CELF2: variants seen among roughly 807,000 people sequenced by gnomAD.
CELF2 encodes CUGBP Elav-like family member 2.
In CELF2, 8 loss-of-function variants were observed where a neutral mutation model predicts 62.6. That is an observed-to-expected ratio of 0.13 (90% CI 0.07 to 0.23). CELF2 has a LOEUF of 0.23. Among genes scored for constraint, CELF2 ranks in the 10% least tolerant of loss-of-function variants. The pLI is 1.00. For synonymous variants in CELF2, 258 were observed against 250.0 expected (o/e 1.03, Z -0.30); for missense variants, 333 against 671.0 (o/e 0.50, Z 5.56).
chr10:11,001,793 A>G (rs989643736), upstream of CELF2, among the ~76,000 whole-genome samples: 1 of 151,912 alleles, frequency 6.6e-6, no homozygotes, highest in African/African-American at 2.4e-5. Flanking sequence ...TTTTTTTGGA[A>G]AAAAAGAAAT....
chr10:10,984,066 T>C (rs1252804032), intron 2 of CELF2, among the ~76,000 whole-genome samples: 2 of 152,248 alleles, frequency 1.3e-5, no homozygotes, highest in African/African-American at 4.8e-5. Flanking sequence ...CTAGTACTTA[T>C]TAAGTGTCTA....
chr10:10,548,757 G>T, the CELF2 span, among the ~76,000 whole-genome samples: 3 of 151,718 alleles, frequency 2.0e-5, no homozygotes, highest in Non-Finnish European at 4.4e-5. Flanking sequence ...ATTATTTTTC[G>T]TAAGTATTTT....
chr10:11,016,223 A>T (rs540474231), upstream of CELF2, among the ~76,000 whole-genome samples: 23 of 152,380 alleles, frequency 1.5e-4, no homozygotes, highest in African/African-American at 5.5e-4. The surrounding 1 kb of genome is among the most constrained non-coding windows in gnomAD (Gnocchi z 5.2). Flanking sequence ...GTAGCTGGGG[A>T]ATAAATGCAG....
the CELF2 span, among the ~76,000 whole-genome samples, chr10:10,792,883 C>T: frequency 6.6e-6 from 1 of 152,142 alleles, no homozygotes; most frequent in Admixed American, 6.5e-5. Flanking sequence ...GAGTCTCCTT[C>T]CTCTCTTCCT....
chr10:10,625,999 C>T, the CELF2 span, among the ~76,000 whole-genome samples: 2 of 151,972 alleles, frequency 1.3e-5, no homozygotes, highest in Admixed American at 6.6e-5. Flanking sequence ...ACCCTACAGC[C>T]GGTTTCACCT....
rs2095430516 is a variant in CELF2 at position 11,321,440 on chromosome 10, C to A, written c.1294+54C>A. 1.4e-6 allele frequency: 2 copies of A among 1,425,358 alleles called. No homozygotes were observed. The highest frequency in any genetic ancestry group is 4.6e-5 in the East Asian group (2 of 43,422). The allele number at this position is 1,425,358 out of a possible 1,614,324, so 88.3% of individuals were successfully genotyped here. ...GCCCAGCCCAACAGGCAGCACTGGC[C>A]TCTAGAGCACGGTTAGAAGGTATCA... On this transcript the variant is annotated intron_variant, in intron 11 of 12. Transcript: ENST00000633077. The surrounding 1 kb of genome is among the most constrained non-coding windows in gnomAD (Gnocchi z 6.2).
rs1021854070 is a variant in CELF2 at position 11,285,283 on chromosome 10, C to T, written c.842-3135C>T. Among the ~76,000 whole-genome samples, 7 of 152,148 alleles carry T rather than the reference C, an allele frequency of 4.6e-5. No homozygotes were observed. Among genetic ancestry groups the T allele is most frequent in the South Asian group, 2.1e-4 (1 of 4,830 alleles). On this transcript the variant is annotated intron_variant, in intron 8 of 12. Coordinates refer to ENST00000633077, the MANE Select transcript of CELF2 (RefSeq NM_001326342.2). The surrounding 1 kb of genome is among the most constrained non-coding windows in gnomAD (Gnocchi z 4.3). ...ACAGTGTCCTCTCCTTTCCACTCTT[C>T]ATCTCAGCTTCCTTGACTCATAGTT...
Position 11,331,866 on chromosome 10 carries a change from C to T in CELF2, c.*2813C>T, listed in dbSNP as rs2096029526. On this transcript the variant is annotated 3_prime_UTR_variant, in exon 13 of 13. Transcript: ENST00000633077. ...TTTAACCCTTTCTACCCAGAGCTAT[C>T]TGGAATGTTGATGACTTTTTATACT... 6.6e-6 allele frequency: 1 copy of T among 152,616 alleles called. No homozygotes were observed. The highest frequency in any genetic ancestry group is 1.9e-4 in the East Asian group (1 of 5,200). The allele number at this position is 152,616 out of a possible 1,614,324, so 9.5% of individuals were successfully genotyped here.
rs548821150 is a variant in CELF2 at position 11,253,886 on chromosome 10, A to G, written c.404-3852A>G. ...CCCTTATTCAGTGTCCGTCATGGAAAATGACTTTTACCCTTCAAGTGTTTT... is the reference window on the plus strand; with the variant it reads ...CCCTTATTCAGTGTCCGTCATGGAAGATGACTTTTACCCTTCAAGTGTTTT... On this transcript the variant is annotated intron_variant, in intron 4 of 12. Coordinates refer to ENST00000633077, the MANE Select transcript of CELF2 (RefSeq NM_001326342.2). Among the ~76,000 whole-genome samples, 4 of 152,272 alleles carry G rather than the reference A, an allele frequency of 2.6e-5. No individual in the cohort carries two copies. The East Asian group carries it at 7.7e-4, about 29-fold the overall frequency.
the CELF2 span, among the ~76,000 whole-genome samples, chr10:10,614,833 T>C: frequency 3.3e-5 from 5 of 152,028 alleles, no homozygotes; most frequent in Non-Finnish European, 7.4e-5. Context: ...GAAGGTGAGA[T>C]GGTAAATGAA....
the CELF2 span, among the ~76,000 whole-genome samples, chr10:10,584,211 G>A: frequency 6.6e-6 from 1 of 152,164 alleles, no homozygotes; most frequent in South Asian, 2.1e-4. Flanking sequence ...TAAATTTAAA[G>A]GAGCTTAATT....
chr10:10,816,750 C>T (rs1260648853), intron 1 of CELF2, among the ~76,000 whole-genome samples: 1 of 152,200 alleles, frequency 6.6e-6, no homozygotes, highest in Non-Finnish European at 1.5e-5. Flanking sequence ...AAATTCTCCA[C>T]AGGTGATTCC....
chr10:11,289,065 CTTT>C (rs1291575746), intron 9 of CELF2, among the ~76,000 whole-genome samples: 1 of 152,182 alleles, frequency 6.6e-6, no homozygotes, highest in Non-Finnish European at 1.5e-5. Context: ...CATTTAAAGT[CTTT>C]TTTTCTTCAC....
intron 5 of CELF2, among the ~76,000 whole-genome samples, chr10:11,263,122 T>G (rs1165928881): frequency 6.6e-6 from 1 of 152,064 alleles, no homozygotes; most frequent in Non-Finnish European, 1.5e-5. Context: ...TTTCCTTAGA[T>G]CTTGTCTGTA....
intron 1 of CELF2, among the ~76,000 whole-genome samples, chr10:10,850,106 G>A (rs1166636569): frequency 6.6e-6 from 1 of 152,036 alleles, no homozygotes; most frequent in Non-Finnish European, 1.5e-5. Flanking sequence ...CTGAGATCAC[G>A]CCACTGTACT....
chr10:11,149,378 C>T (rs1422649107), intron 1 of CELF2, among the ~76,000 whole-genome samples: 2 of 152,278 alleles, frequency 1.3e-5, no homozygotes, highest in East Asian at 1.9e-4. Flanking sequence ...CCTATTGACA[C>T]ATATATTAAG....
chr10:11,161,261 C>T (rs550576863), intron 1 of CELF2, among the ~76,000 whole-genome samples: 16 of 152,330 alleles, frequency 1.1e-4, no homozygotes, highest in Non-Finnish European at 1.8e-4. Context: ...GGTCTTATTC[C>T]ATATGGCATC....
chr10:11,188,685 A>G (rs558615698), intron 2 of CELF2, among the ~76,000 whole-genome samples: 20 of 152,222 alleles, frequency 1.3e-4, no homozygotes, highest in South Asian at 4.1e-4. Flanking sequence ...GTTTTCATCA[A>G]ATTTGGAAAA....
chr10:11,070,536 C>T (rs1012665259), intron 1 of CELF2, among the ~76,000 whole-genome samples: 6 of 152,124 alleles, frequency 3.9e-5, no homozygotes, highest in African/African-American at 9.7e-5. Context: ...GAGAAATTTC[C>T]GGCTGGAGGT....
Sources: allele counts gnomAD v4.1 joint callset (sites outside exome capture counted in the v4.1 genomes callset), GRCh38; gene constraint gnomAD v4.1.1; non-coding constraint Gnocchi (gnomAD v3.1); transcripts MANE v1.5; gene names NCBI Gene and HGNC (gene_info 2026-07-23, HGNC 2026-07-21).